CCSER1: variants seen among roughly 807,000 people sequenced by gnomAD.
The protein encoded by CCSER1 is coiled-coil serine rich protein 1.
A neutral mutation model predicts 82.0 loss-of-function variants in CCSER1; 41 were observed. That is an observed-to-expected ratio of 0.50 (90% CI 0.39 to 0.65). The LOEUF is 0.65. Ranked by LOEUF, CCSER1 falls within the 30% of genes least tolerant of loss-of-function variation. The probability of loss-of-function intolerance (pLI) is 0.00; values close to 1 mark genes in which losing one functional copy is unlikely to be tolerated. For missense variants in CCSER1, 1,119 were observed against 1,064.2 expected, an observed-to-expected ratio of 1.05 and a Z score of -0.72; for synonymous variants, 414 against 383.9, an observed-to-expected ratio of 1.08 and a Z score of -0.92.
At chr4:90,736,644 T>G (rs1165285513) in intron 7 of CCSER1, among the ~76,000 whole-genome samples, 1 of 152,032 alleles carries the variant, frequency 6.6e-6, no homozygotes, top group African/African-American at 2.4e-5. Flanking sequence ...GTCATTTTTT[T>G]TATCCATTCA....
chr4:91,189,516 A>C (rs1734834013), intron 10 of CCSER1, among the ~76,000 whole-genome samples: 1 of 152,086 alleles, frequency 6.6e-6, no homozygotes, highest in Non-Finnish European at 1.5e-5. Flanking sequence ...ATTCTGTATG[A>C]CCTCATTTGA....
intron 10 of CCSER1, among the ~76,000 whole-genome samples, chr4:91,452,203 T>C (rs541460112): frequency 1.3e-5 from 2 of 152,120 alleles, no homozygotes; most frequent in African/African-American, 2.4e-5. Flanking sequence ...GCCAGTACAA[T>C]TAAAGTTAAA....
At chr4:91,317,683 T>C (rs1337050715) in intron 10 of CCSER1, among the ~76,000 whole-genome samples, 3 of 151,704 alleles carry the variant, frequency 2.0e-5, no homozygotes, top group Non-Finnish European at 4.4e-5. Flanking sequence ...GAAGTGAACT[T>C]TATAATGGAA....
chr4:90,954,688 G>T (rs923638461), intron 9 of CCSER1, among the ~76,000 whole-genome samples: 8 of 152,058 alleles, frequency 5.3e-5, no homozygotes, highest in African/African-American at 1.9e-4. Flanking sequence ...CAATCTCTGT[G>T]AATATTTCTC....
chr4:91,517,745 CGTGTGT>C (rs71579530), intron 10 of CCSER1, among the ~76,000 whole-genome samples: 2,411 of 121,120 alleles, frequency 0.02, 47 homozygotes, highest in African/African-American at 0.063. Context: ...AGTTCTTTCT[CGTGTGT>C]GTGTGTGTGT....
intron 8 of CCSER1, among the ~76,000 whole-genome samples, chr4:90,912,451 C>G (rs1367078690): frequency 6.6e-6 from 1 of 152,136 alleles, no homozygotes; most frequent in Non-Finnish European, 1.5e-5. Flanking sequence ...GGAAAACTAA[C>G]AAACAGAAAG....
intron 6 of CCSER1, among the ~76,000 whole-genome samples, chr4:90,634,679 A>C (rs1725104525): frequency 6.6e-6 from 1 of 151,850 alleles, no homozygotes; most frequent in African/African-American, 2.4e-5. Context: ...TAATTAGAGA[A>C]GGAAATGGCC....
At chr4:90,783,373 G>C (rs11942077) in intron 7 of CCSER1, among the ~76,000 whole-genome samples, 1 of 152,274 alleles carries the variant, frequency 6.6e-6, no homozygotes, top group East Asian at 1.9e-4. Flanking sequence ...CCGTTTAACT[G>C]CAGCAGAAGT....
chr4:90,778,730 C>A (rs1753310864), intron 7 of CCSER1, among the ~76,000 whole-genome samples: 1 of 151,856 alleles, frequency 6.6e-6, no homozygotes. Context: ...CTGCATCCCT[C>A]AAGATTCCCA....
chr4:90,530,488 AAG>A (rs1560667658), intron 5 of CCSER1, among the ~76,000 whole-genome samples: 1 of 152,136 alleles, frequency 6.6e-6, no homozygotes, highest in Non-Finnish European at 1.5e-5. Flanking sequence ...GGGCGTACTC[AAG>A]AGAGAGAGTC....
At chr4:90,975,303 A>G (rs929183702) in intron 9 of CCSER1, among the ~76,000 whole-genome samples, 2 of 151,310 alleles carry the variant, frequency 1.3e-5, no homozygotes, top group Admixed American at 6.6e-5. Context: ...ATGTTGAACA[A>G]TTCTGCAAAT....
At chr4:91,538,379 C>T (rs1183095571) in intron 10 of CCSER1, among the ~76,000 whole-genome samples, 3 of 151,638 alleles carry the variant, frequency 2.0e-5, no homozygotes, top group Non-Finnish European at 2.9e-5. Flanking sequence ...TTGCAGGCAC[C>T]AGTTATGAAT....
At chr4:90,708,402 A>G (rs1400185560) in intron 6 of CCSER1, among the ~76,000 whole-genome samples, 1 of 152,186 alleles carries the variant, frequency 6.6e-6, no homozygotes, top group Non-Finnish European at 1.5e-5. Context: ...CACTGAGTTC[A>G]TTCACCCCAA....
intron 3 of CCSER1, among the ~76,000 whole-genome samples, chr4:90,377,173 G>C (rs909417803): frequency 6.6e-6 from 1 of 152,084 alleles, no homozygotes; most frequent in African/African-American, 2.4e-5. Context: ...ACAAAATCAT[G>C]GTGGACTAAT....
At chr4:90,674,599 A>G (rs911579835) in intron 6 of CCSER1, among the ~76,000 whole-genome samples, 4 of 151,930 alleles carry the variant, frequency 2.6e-5, no homozygotes, top group African/African-American at 9.7e-5. Flanking sequence ...ATTGACCTTT[A>G]AAAATATATA....
At chr4:90,898,267 A>ACCTTTTTTTTTT (rs1724029825) in intron 8 of CCSER1, among the ~76,000 whole-genome samples, 1 of 55,378 alleles carries the variant, frequency 1.8e-5, no homozygotes, top group African/African-American at 6.9e-5. Context: ...TCTTTAATCC[A>ACCTTTTTTTTTT]TCTTTTTTTT....
chr4:90,666,041 C>T (rs1731717485), intron 6 of CCSER1, among the ~76,000 whole-genome samples: 1 of 152,094 alleles, frequency 6.6e-6, no homozygotes, highest in African/African-American at 2.4e-5. Flanking sequence ...TTCTGCATTC[C>T]TTGTCACATG....
intron 10 of CCSER1, among the ~76,000 whole-genome samples, chr4:91,097,858 A>G (rs1281212640): frequency 6.6e-6 from 1 of 152,200 alleles, no homozygotes; most frequent in South Asian, 2.1e-4. Flanking sequence ...ATCATTCTCA[A>G]GAAAATAATG....
At chr4:90,781,666 C>G (rs1023153432) in intron 7 of CCSER1, 1 of 972,480 alleles carries the variant, frequency 1.0e-6, no homozygotes, top group Non-Finnish European at 1.2e-6. Context: ...ATGTATTAAG[C>G]AATCCTGGCT....
Sources: allele counts gnomAD v4.1 joint callset (sites outside exome capture counted in the v4.1 genomes callset), GRCh38; gene constraint gnomAD v4.1.1; transcripts MANE v1.5; gene names NCBI Gene and HGNC (gene_info 2026-07-23, HGNC 2026-07-21).